The following RHOA variants were observed in gnomAD, a reference collection of about 807,000 sequenced individuals.
The protein encoded by RHOA is ras homolog family member A, also known as transforming protein RhoA.
Under a neutral mutation model 17.5 loss-of-function variants are expected in RHOA, and 3 were observed. That is an observed-to-expected ratio of 0.17 (90% CI 0.08 to 0.44). The LOEUF is 0.44. Ranked by LOEUF, RHOA falls within the 20% of genes least tolerant of loss-of-function variation. The probability of loss-of-function intolerance (pLI) is 0.99; values close to 1 mark genes in which losing one functional copy is unlikely to be tolerated. For synonymous variants in RHOA, 98 were observed against 88.4 expected (o/e 1.11, Z -0.61); for missense variants, 56 against 242.3 (o/e 0.23, Z 5.10).
At chr3:49,382,482 A>G (rs1478627921) in intron 1 of RHOA, among the ~76,000 whole-genome samples, 1 of 152,006 alleles carries the variant, frequency 6.6e-6, no homozygotes, top group African/African-American at 2.4e-5. Context: ...CCAAAATACA[A>G]AAAATTAGCT....
intron 1 of RHOA, among the ~76,000 whole-genome samples, chr3:49,380,716 T>TAATAATAAA (rs2048302794): frequency 8.9e-6 from 1 of 112,138 alleles, no homozygotes; most frequent in Non-Finnish European, 1.8e-5. Context: ...ATAATAATAA[T>TAATAATAAA]AATAAATACT....
intron 1 of RHOA, among the ~76,000 whole-genome samples, chr3:49,404,738 G>A (rs1445815843): frequency 6.7e-6 from 1 of 149,494 alleles, no homozygotes; most frequent in South Asian, 2.1e-4. Context: ...AGACCAGCCT[G>A]GGCAACATGG....
At chr3:49,365,143 G>GC (rs2048034542) in intron 3 of RHOA, 2 of 136,480 alleles carry the variant, frequency 1.5e-5, no homozygotes, top group Admixed American at 7.5e-5. Context: ...TAGAACAGAA[G>GC]TTTTTTTTTT....
intron 1 of RHOA, among the ~76,000 whole-genome samples, chr3:49,410,907 C>T (rs2048922056): frequency 6.6e-6 from 1 of 152,160 alleles, no homozygotes; most frequent in Non-Finnish European, 1.5e-5. Context: ...CAAGTGGAAC[C>T]AACTTTGAGG....
At chr3:49,366,238 T>C (rs1246455792) in intron 3 of RHOA, among the ~76,000 whole-genome samples, 1 of 152,156 alleles carries the variant, frequency 6.6e-6, no homozygotes, top group Non-Finnish European at 1.5e-5. Flanking sequence ...AAATTTTCTC[T>C]GTGGCCTAAA....
chr3:49,363,699 A>G (rs1354965728), intron 3 of RHOA, among the ~76,000 whole-genome samples: 1 of 151,882 alleles, frequency 6.6e-6, no homozygotes, highest in Non-Finnish European at 1.5e-5. Context: ...TAAAATTACT[A>G]AAATTAGCCG....
At chr3:49,408,791 G>T (rs928045718) in intron 1 of RHOA, among the ~76,000 whole-genome samples, 1 of 128,956 alleles carries the variant, frequency 7.8e-6, no homozygotes, top group Non-Finnish European at 1.6e-5. Flanking sequence ...AAATACTTAA[G>T]ATCCTTTTTT....
At chr3:49,408,091 G>A (rs999172868) in intron 1 of RHOA, among the ~76,000 whole-genome samples, 4 of 151,962 alleles carry the variant, frequency 2.6e-5, no homozygotes, top group South Asian at 4.2e-4. Context: ...ACTAGGAGGC[G>A]GCGGTTGCAG....
intron 1 of RHOA, among the ~76,000 whole-genome samples, chr3:49,404,977 G>A (rs1398545647): frequency 6.6e-6 from 1 of 150,438 alleles, no homozygotes; most frequent in Non-Finnish European, 1.5e-5. Flanking sequence ...GCCAGGCGCG[G>A]TGGCTCACAC....
intron 1 of RHOA, among the ~76,000 whole-genome samples, chr3:49,406,260 T>A (rs901082269): frequency 6.6e-6 from 1 of 152,058 alleles, no homozygotes; most frequent in Non-Finnish European, 1.5e-5. Context: ...AAAATCCCAG[T>A]AGTAGAGCAT....
chr3:49,399,550 G>C (rs974868502), intron 1 of RHOA, among the ~76,000 whole-genome samples: 1 of 151,494 alleles, frequency 6.6e-6, no homozygotes, highest in Non-Finnish European at 1.5e-5. Context: ...TATATGTATA[G>C]ACTGTCTCTA....
intron 1 of RHOA, among the ~76,000 whole-genome samples, chr3:49,397,363 G>C (rs998539209): frequency 6.6e-6 from 1 of 152,032 alleles, no homozygotes; most frequent in South Asian, 2.1e-4. Context: ...TTCTTTTTGA[G>C]GTGATAATAA....
intron 1 of RHOA, among the ~76,000 whole-genome samples, chr3:49,396,245 G>T (rs2048614134): frequency 1.3e-5 from 2 of 152,142 alleles, no homozygotes; most frequent in African/African-American, 2.4e-5. Context: ...GAAAACGTGG[G>T]CACTGAGATA....
intron 1 of RHOA, among the ~76,000 whole-genome samples, chr3:49,385,303 C>A (rs1236249855): frequency 4.0e-5 from 6 of 150,920 alleles, no homozygotes; most frequent in African/African-American, 1.5e-4. Context: ...TCACTGCAAC[C>A]TCCGCCTCCC....
chr3:49,362,392 C>T (rs1043944232), intron 4 of RHOA, 104 bp downstream of exon 4: 28 of 1,324,206 alleles, frequency 2.1e-5, no homozygotes, highest in Admixed American at 2.4e-5. Flanking sequence ...TTCTGAGCCT[C>T]TAAAACAACC....
intron 1 of RHOA, among the ~76,000 whole-genome samples, chr3:49,408,465 CTG>C (rs2048877170): frequency 6.6e-6 from 1 of 152,138 alleles, no homozygotes. Flanking sequence ...CATCAATAAA[CTG>C]AGACCAACAC....
At chr3:49,406,313 T>C (rs1434733216) in intron 1 of RHOA, among the ~76,000 whole-genome samples, 1 of 152,100 alleles carries the variant, frequency 6.6e-6, no homozygotes. Flanking sequence ...GAATCACAAC[T>C]CATCTGCAAC....
At chr3:49,382,783 G>A (rs1358462861) in intron 1 of RHOA, among the ~76,000 whole-genome samples, 2 of 152,198 alleles carry the variant, frequency 1.3e-5, no homozygotes, top group Non-Finnish European at 2.9e-5. Context: ...CTTTGGCCGA[G>A]TGTGCTGGGG....
chr3:49,400,154 G>C (rs969124066), intron 1 of RHOA, among the ~76,000 whole-genome samples: 9 of 150,360 alleles, frequency 6.0e-5, no homozygotes, highest in Admixed American at 4.7e-4. Context: ...GGAGCTTGCA[G>C]TGAGCCGAGA....
Sources: allele counts gnomAD v4.1 joint callset (sites outside exome capture counted in the v4.1 genomes callset), GRCh38; gene constraint gnomAD v4.1.1; transcripts MANE v1.5; gene names NCBI Gene and HGNC (gene_info 2026-07-23, HGNC 2026-07-21).